Variants in GPC4 observed in about 807,000 individuals in gnomAD.
GPC4 encodes the protein glypican 4.
In GPC4, 10 loss-of-function variants were observed where a neutral mutation model predicts 35.0. The ratio of observed to expected loss-of-function variants is 0.29; its 90% CI spans 0.18 to 0.48. The LOEUF (loss-of-function observed/expected upper bound fraction) is 0.48. Among genes scored for constraint, GPC4 ranks in the 20% least tolerant of loss-of-function variants. GPC4 has a pLI of 0.99. For synonymous variants in GPC4, 167 were observed against 170.2 expected, an observed-to-expected ratio of 0.98 and a Z score of 0.15; for missense variants, 322 against 451.3, an observed-to-expected ratio of 0.71 and a Z score of 2.60.
chrX:133,376,040 CAA>C (rs1481545287), intron 1 of GPC4, among the ~76,000 whole-genome samples: 3 of 112,159 alleles, frequency 2.7e-5, no homozygotes, highest in Non-Finnish European at 5.6e-5. Context: ...GTCCTATAGC[CAA>C]GTCTCCCCAG....
intron 1 of GPC4, among the ~76,000 whole-genome samples, chrX:133,349,265 C>T (rs973741323): frequency 1.8e-4 from 20 of 112,155 alleles, no homozygotes; most frequent in Middle Eastern, 4.7e-3. Flanking sequence ...CAGAAGACCT[C>T]GGAGAAAGCA....
At chrX:133,312,712 C>G (rs1258611348) in intron 3 of GPC4, among the ~76,000 whole-genome samples, 2 of 109,713 alleles carry the variant, frequency 1.8e-5, no homozygotes, top group Non-Finnish European at 3.8e-5. Flanking sequence ...AAAGGAGAAA[C>G]AAACAAACAG....
At chrX:133,388,952 CTTTT>C (rs759257116) in intron 1 of GPC4, among the ~76,000 whole-genome samples, 5 of 53,465 alleles carry the variant, frequency 9.4e-5, no homozygotes, top group Admixed American at 3.0e-4. Flanking sequence ...TACCCATAGC[CTTTT>C]TTTTTTTTTT....
chrX:133,364,461 C>A (rs985979895), intron 1 of GPC4, among the ~76,000 whole-genome samples: 1 of 111,711 alleles, frequency 9.0e-6, no homozygotes, highest in Non-Finnish European at 1.9e-5. Context: ...ACTGCTCAGG[C>A]AACCAGAAAC....
chrX:133,358,404 A>G (rs1250129689), intron 1 of GPC4, among the ~76,000 whole-genome samples: 1 of 112,427 alleles, frequency 8.9e-6, no homozygotes, highest in Non-Finnish European at 1.9e-5. Flanking sequence ...GTAGATATGC[A>G]TCTGACTTTA....
intron 1 of GPC4, among the ~76,000 whole-genome samples, chrX:133,346,186 G>C (rs2068490594): frequency 9.0e-6 from 1 of 111,551 alleles, no homozygotes; most frequent in Non-Finnish European, 1.9e-5. Context: ...CAGAAAAAGG[G>C]GGAAGGCGGG....
At chrX:133,397,675 C>A (rs1399328126) in intron 1 of GPC4, among the ~76,000 whole-genome samples, 1 of 111,952 alleles carries the variant, frequency 8.9e-6, no homozygotes, top group Non-Finnish European at 1.9e-5. Flanking sequence ...TCAGCCCACA[C>A]CCTGAGTGCC....
At chrX:133,307,911 T>C (rs1251996979) in intron 4 of GPC4, among the ~76,000 whole-genome samples, 1 of 112,084 alleles carries the variant, frequency 8.9e-6, no homozygotes, top group Non-Finnish European at 1.9e-5. Context: ...TAAACCCCAA[T>C]TCTTCTGGCT....
chrX:133,413,220 T>C (rs2068820407), intron 1 of GPC4, among the ~76,000 whole-genome samples: 1 of 111,548 alleles, frequency 9.0e-6, no homozygotes, highest in Admixed American at 9.5e-5. Flanking sequence ...TTTGAGGACA[T>C]ACTTGAGCTC....
At chrX:133,350,613 A>G (rs925445357) in intron 1 of GPC4, among the ~76,000 whole-genome samples, 7 of 112,194 alleles carry the variant, frequency 6.2e-5, no homozygotes, top group African/African-American at 1.9e-4. Context: ...AATTCTAGCT[A>G]GGCATCAATA....
At position 133,301,103 on chromosome X, in the gene GPC4, C is replaced by G. The variant is rs1319626218; in HGVS notation, c.*1764G>C. 2.7e-5 allele frequency: 3 copies of G among 112,471 alleles called. No individual in the cohort carries two copies. In the East Asian group the frequency reaches 8.4e-4, roughly 31 times the overall value. 9.3% of individuals were successfully genotyped at this position (112,471 alleles called of 1,213,427 possible). A position where few individuals can be genotyped will look rare whatever the true frequency, so the allele number is the denominator to read the frequency against. On this transcript the variant is annotated 3_prime_UTR_variant, in exon 9 of 9. Coordinates refer to ENST00000370828, the MANE Select transcript of GPC4 (RefSeq NM_001448.3). Reference sequence around the variant, plus strand: ...GGCTACTTCTAATAAAATTAAGCCTCTGTTTACAACAGCCCCCAATATTCC... The same window carrying G: ...GGCTACTTCTAATAAAATTAAGCCTGTGTTTACAACAGCCCCCAATATTCC...
At chrX:133,347,485 G>A (rs1375118640) in intron 1 of GPC4, among the ~76,000 whole-genome samples, 3 of 109,388 alleles carry the variant, frequency 2.7e-5, no homozygotes, top group African/African-American at 1.0e-4. Flanking sequence ...TGTTCTAAAC[G>A]TAAAATAATT....
chrX:133,363,115 C>T (rs139420537), intron 1 of GPC4, among the ~76,000 whole-genome samples: 5,084 of 112,250 alleles, frequency 0.045, 112 homozygotes, highest in Non-Finnish European at 0.065. Flanking sequence ...TGCACATCCT[C>T]GCCCTGAGGA....
At chrX:133,325,028 T>TC (rs2068385012) in intron 2 of GPC4, among the ~76,000 whole-genome samples, 1 of 111,715 alleles carries the variant, frequency 9.0e-6, no homozygotes, top group Non-Finnish European at 1.9e-5. Flanking sequence ...AATTTTTTTT[T>TC]CATTTCTCCT....
chrX:133,315,330 G>C (rs1165568147), intron 3 of GPC4, among the ~76,000 whole-genome samples: 1 of 110,120 alleles, frequency 9.1e-6, no homozygotes, highest in Non-Finnish European at 1.9e-5. Context: ...AGCTTCTGGT[G>C]AAAGTCCAAG....
In GPC4 at chrX:133,324,243, G is replaced by A; in HGVS notation, c.613C>T (p.Arg205Cys). 8.3e-7 allele frequency: 1 copy of A among 1,211,427 alleles called. No homozygotes were observed. Among genetic ancestry groups the A allele is most frequent in the Non-Finnish European group, 1.1e-6 (1 of 895,372 alleles). The change falls in exon 3 of 9, where the codon CGC (arginine) becomes TGC (cysteine). Residue 205 changes from arginine to cysteine, a missense_variant. Physicochemically the swap from Arg to Cys is radical, Grantham distance 180. Coordinates refer to ENST00000370828, the MANE Select transcript of GPC4 (RefSeq NM_001448.3). ...EQLKPFGDVP[R>C]KLKLQVTRAF... ...CGAGTAACCTGGAGCTTCAATTTGC[G>A]AGGGACATCTCCGAAGGGCTTCAGC...
chrX:133,333,623 A>G (rs2068430313), intron 2 of GPC4, among the ~76,000 whole-genome samples: 1 of 112,771 alleles, frequency 8.9e-6, no homozygotes, highest in African/African-American at 3.2e-5. Context: ...TTCATATGGA[A>G]AGAAAAGAAA....
intron 1 of GPC4, among the ~76,000 whole-genome samples, chrX:133,359,502 C>G (rs977053856): frequency 4.5e-5 from 5 of 111,351 alleles, no homozygotes; most frequent in African/African-American, 1.6e-4. Flanking sequence ...AAAATAAAAT[C>G]TAGGCAGGAG....
intron 2 of GPC4, among the ~76,000 whole-genome samples, chrX:133,326,373 C>T (rs1277320821): frequency 8.9e-6 from 1 of 111,891 alleles, no homozygotes; most frequent in Non-Finnish European, 1.9e-5. Flanking sequence ...ATCACTTGGA[C>T]ACTTGCTATA....
Sources: allele counts gnomAD v4.1 joint callset (sites outside exome capture counted in the v4.1 genomes callset), GRCh38; gene constraint gnomAD v4.1.1; transcripts MANE v1.5; gene names NCBI Gene and HGNC (gene_info 2026-07-23, HGNC 2026-07-21).